The following ARIH2 variants were observed in gnomAD, a reference collection of about 807,000 sequenced individuals.
ARIH2 encodes E3 ubiquitin-protein ligase ARIH2.
A neutral mutation model predicts 79.8 loss-of-function variants in ARIH2; 12 were observed. The observed-to-expected ratio is 0.15, with a 90% confidence interval of 0.10 to 0.24. The LOEUF is 0.24. Among genes scored for constraint, ARIH2 ranks in the 10% least tolerant of loss-of-function variants. The pLI, the probability that ARIH2 is intolerant of heterozygous loss-of-function variation, is 1.00. For synonymous variants in ARIH2, 224 were observed against 213.9 expected, an observed-to-expected ratio of 1.05 and a Z score of -0.41; for missense variants, 301 against 618.3, an observed-to-expected ratio of 0.49 and a Z score of 5.44.
At chr3:48,978,463 G>GTA (rs2092626918) in intron 11 of ARIH2, among the ~76,000 whole-genome samples, 5 of 77,562 alleles carry the variant, frequency 6.4e-5, no homozygotes, top group African/African-American at 2.1e-4. Flanking sequence ...GTGTGTGTGT[G>GTA]TGTATATATA....
At chr3:48,928,061 T>G (rs758924825) in intron 3 of ARIH2, 6 of 485,220 alleles carry the variant, frequency 1.2e-5, no homozygotes, top group African/African-American at 3.9e-5. Flanking sequence ...TCAAGAAAGA[T>G]GTACCATACC....
chr3:48,920,289 A>C (rs2084626533), intron 1 of ARIH2, among the ~76,000 whole-genome samples: 1 of 151,784 alleles, frequency 6.6e-6, no homozygotes, highest in Non-Finnish European at 1.5e-5. Context: ...CCTTTAAAAA[A>C]ATTTTTTTTG....
intron 3 of ARIH2, among the ~76,000 whole-genome samples, chr3:48,928,237 A>G (rs1379849370): frequency 6.6e-6 from 1 of 152,212 alleles, no homozygotes; most frequent in Admixed American, 6.5e-5. Flanking sequence ...TTTGCCCTGA[A>G]TAGTCATTGC....
intron 7 of ARIH2, among the ~76,000 whole-genome samples, chr3:48,969,621 G>C (rs1397968607): frequency 2.6e-5 from 4 of 151,616 alleles, no homozygotes; most frequent in Non-Finnish European, 4.4e-5. Flanking sequence ...CCGAGCAACT[G>C]GGACTACTGG....
rs1334541022 is a variant in ARIH2, at chr3:48,918,891, C to T, written c.-269C>T. ...GAGGAAGCAGCGCGGGCTTGACCGG[C>T]GTCGGCCCGCCGCCTCCGCTGCCGC... On this transcript the variant is annotated 5_prime_UTR_variant, in exon 1 of 16. Coordinates refer to ENST00000356401, the MANE Select transcript of ARIH2 (RefSeq NM_006321.4). 2 of 1,603,458 alleles carry T rather than the reference C, an allele frequency of 1.2e-6. No homozygotes were observed. Among genetic ancestry groups the T allele is most frequent in the Non-Finnish European group, 1.7e-6 (2 of 1,177,498 alleles).
In ARIH2 at chr3:48,970,603, CCAGCTCCA is replaced by C. The variant is rs1236091012; in HGVS notation, c.670_677del (p.Gln224AlafsTer17). ...TCTTGGTGTGTTCACAGAGTCATTA[CCAGCTCCA>C]GCTGTGCCCTGGTGCAGACTGCCCC... On this transcript the variant is annotated frameshift_variant, in exon 8 of 16. Transcript: ENST00000356401. LOFTEE classifies it high-confidence loss of function. 6.2e-7 allele frequency: 1 copy of C among 1,613,044 alleles called. No homozygotes were observed. Among genetic ancestry groups the C allele is most frequent in the South Asian group, 1.1e-5 (1 of 91,058 alleles).
At chr3:48,944,568 A>G (rs1030112874) in intron 3 of ARIH2, among the ~76,000 whole-genome samples, 1 of 152,166 alleles carries the variant, frequency 6.6e-6, no homozygotes, top group Non-Finnish European at 1.5e-5. Context: ...TGGAATGGGC[A>G]AAGTTATGAT....
chr3:48,919,429 G>T (rs9884022), intron 1 of ARIH2: 1 of 323,174 alleles, frequency 3.1e-6, no homozygotes, highest in Non-Finnish European at 5.7e-6. Flanking sequence ...GAATATCCCG[G>T]AGCCCGCGGC....
intron 3 of ARIH2, among the ~76,000 whole-genome samples, chr3:48,956,419 G>A (rs1287170800): frequency 2.1e-5 from 3 of 140,222 alleles, no homozygotes; most frequent in Non-Finnish European, 3.0e-5. Flanking sequence ...GGTTACAGAC[G>A]TGAGCCACTG....
chr3:48,962,766 A>G (rs547396456), intron 4 of ARIH2, among the ~76,000 whole-genome samples: 4 of 152,224 alleles, frequency 2.6e-5, no homozygotes, highest in Non-Finnish European at 5.9e-5. Flanking sequence ...AACATTGTCA[A>G]ATAACTCGTG....
intron 3 of ARIH2, chr3:48,934,493 A>G (rs987684153): frequency 2.3e-5 from 23 of 985,298 alleles, no homozygotes; most frequent in Middle Eastern, 1.0e-3. Context: ...GCCTGGTTAC[A>G]CTGAGTGTTT....
intron 3 of ARIH2, among the ~76,000 whole-genome samples, chr3:48,953,763 C>A (rs756240538): frequency 6.6e-6 from 1 of 151,974 alleles, no homozygotes; most frequent in Non-Finnish European, 1.5e-5. Flanking sequence ...GTGGCGTGAT[C>A]ATGGCTCACT....
chr3:48,923,029 A>C (rs2085027376), intron 2 of ARIH2, among the ~76,000 whole-genome samples: 1 of 152,038 alleles, frequency 6.6e-6, no homozygotes, highest in South Asian at 2.1e-4. Context: ...AAAACGGTGA[A>C]ACCCCGTCTC....
chr3:48,974,413 A>T (rs910107295), intron 9 of ARIH2, among the ~76,000 whole-genome samples: 4 of 152,144 alleles, frequency 2.6e-5, no homozygotes, highest in Non-Finnish European at 4.4e-5. Flanking sequence ...TGAGCTTTAG[A>T]TGTGGTTTCC....
At chr3:48,961,748 A>G (rs1054293102) in intron 4 of ARIH2, 69 bp downstream of exon 4, 7 of 1,051,018 alleles carry the variant, frequency 6.7e-6, no homozygotes, top group Middle Eastern at 2.0e-4. Flanking sequence ...TATTGTTTAC[A>G]TTTTGGACCA....
intron 8 of ARIH2, 22 bp downstream of exon 8, chr3:48,970,726 G>GA (rs1177331682): frequency 2.5e-6 from 4 of 1,579,794 alleles, no homozygotes; most frequent in Non-Finnish European, 3.5e-6. Context: ...TGTGAGTGCT[G>GA]AGCAGCCCTG....
chr3:48,974,264 C>T (rs897554795), intron 9 of ARIH2, among the ~76,000 whole-genome samples: 2 of 152,122 alleles, frequency 1.3e-5, no homozygotes, highest in Non-Finnish European at 2.9e-5. Context: ...AGTCACTCGC[C>T]GAGTCAGTGC....
chr3:48,927,271 C>T (rs1373399632), intron 2 of ARIH2, 191 bp from the exon 3 acceptor site: 1 of 370,680 alleles, frequency 2.7e-6, no homozygotes, highest in East Asian at 5.7e-5. Context: ...GCTTCTGTCT[C>T]TCCAGGGAAG....
At chr3:48,938,165 C>T (rs945410135) in intron 3 of ARIH2, among the ~76,000 whole-genome samples, 5 of 151,756 alleles carry the variant, frequency 3.3e-5, no homozygotes, top group African/African-American at 4.8e-5. Context: ...CATCTTTAGT[C>T]ATAAATACAA....
Sources: allele counts gnomAD v4.1 joint callset (sites outside exome capture counted in the v4.1 genomes callset), GRCh38; gene constraint gnomAD v4.1.1; transcripts MANE v1.5; gene names NCBI Gene and HGNC (gene_info 2026-07-23, HGNC 2026-07-21).